The following PCDHA7 variants were observed in gnomAD, a reference collection of about 807,000 sequenced individuals.
The protein encoded by PCDHA7 is protocadherin alpha-7.
Under a neutral mutation model 57.2 loss-of-function variants are expected in PCDHA7, and 37 were observed. The observed-to-expected ratio is 0.65, with a 90% CI of 0.50 to 0.85. PCDHA7 has a LOEUF of 0.85. Among genes scored for constraint, PCDHA7 ranks in the 40% least tolerant of loss-of-function variants. The pLI is 0.00. For synonymous variants in PCDHA7, 553 were observed against 558.8 expected, an observed-to-expected ratio of 0.99 and a Z score of 0.15; for missense variants, 1,188 against 1,241.8, an observed-to-expected ratio of 0.96 and a Z score of 0.65.
At chr5:140,938,415 T>A (rs1034279514) in intron 1 of PCDHA7, among the ~76,000 whole-genome samples, 6 of 152,190 alleles carry the variant, frequency 3.9e-5, no homozygotes, top group African/African-American at 1.4e-4. Context: ...TTGGGTTTAT[T>A]TGCAAAAATC....
chr5:140,948,709 CT>C (rs144736017), intron 1 of PCDHA7, among the ~76,000 whole-genome samples: 2,043 of 151,408 alleles, frequency 0.013, 38 homozygotes, highest in African/African-American at 0.047. Context: ...GTGTTCTATC[CT>C]CTTTTTTATC....
At chr5:140,875,288 A>G in intron 1 of PCDHA7, 2 of 1,392,506 alleles carry the variant, frequency 1.4e-6, no homozygotes, top group East Asian at 2.5e-5. Flanking sequence ...TGAAACAGGA[A>G]AATTTTTTTC....
At chr5:140,871,564 C>A (rs782409405) in intron 1 of PCDHA7, 7 of 1,482,594 alleles carry the variant, frequency 4.7e-6, no homozygotes, top group Non-Finnish European at 6.3e-6. Context: ...TTTTTTTTCA[C>A]GGATTTTTTA....
At chr5:140,901,697 C>T (rs57431111) in intron 1 of PCDHA7, among the ~76,000 whole-genome samples, 1,867 of 152,140 alleles carry the variant, frequency 0.012, 40 homozygotes, top group African/African-American at 0.043. Context: ...TTTTGTAGTT[C>T]TATATACATT....
chr5:140,970,774 A>G (rs1554232727), intron 1 of PCDHA7, among the ~76,000 whole-genome samples: 2 of 152,218 alleles, frequency 1.3e-5, no homozygotes, highest in Admixed American at 1.3e-4. Context: ...TGCTGTACAT[A>G]CATATTGTAT....
At chr5:140,959,826 T>C (rs2095512884) in intron 1 of PCDHA7, among the ~76,000 whole-genome samples, 1 of 152,224 alleles carries the variant, frequency 6.6e-6, no homozygotes, top group Non-Finnish European at 1.5e-5. Flanking sequence ...CACATGATAA[T>C]GTATTATGCC....
chr5:140,987,106 C>T (rs113308102), intron 3 of PCDHA7, among the ~76,000 whole-genome samples: 4,830 of 151,440 alleles, frequency 0.032, 263 homozygotes, highest in African/African-American at 0.11. Context: ...CCCAGCTACT[C>T]GGGAGGCTGA....
Position 140,884,627 on chromosome 5 carries a change from G to C in PCDHA7, c.2355+47889G>C, listed in dbSNP as rs140550923. On this transcript the variant is annotated intron_variant, in intron 1 of 3. Transcript: ENST00000525929. ...TTGTCTGGGTTCTGCAGAGGGAACA[G>C]GCCAGAGGGAGGAGGACTCAGAATG... The C allele has an allele frequency of 4.8e-5, 77 of 1,612,780 alleles. No individual in the cohort carries two copies. In the African/African-American group the frequency reaches 8.8e-4, roughly 18 times the overall value.
In PCDHA7 at chr5:140,848,765, C is replaced by A; in HGVS notation, c.2355+12027C>A. ...GCATTTTGTTTGTGAATTCTCGGAT[C>A]GACCGCGAGGAGCTGTGCGGGCGGA... On this transcript the variant is annotated intron_variant, in intron 1 of 3. Coordinates refer to ENST00000525929, the MANE Select transcript of PCDHA7 (RefSeq NM_018910.3). 3.8e-6 allele frequency: 6 copies of A among 1,593,356 alleles called. 1 individual carries two copies. The highest frequency in any genetic ancestry group is 2.2e-5 in the South Asian group (2 of 90,232).
chr5:140,988,021 T>C (rs2097278466), intron 3 of PCDHA7, among the ~76,000 whole-genome samples: 1 of 152,216 alleles, frequency 6.6e-6, no homozygotes. Context: ...AGCATGATTC[T>C]TAAGTTTTTT....
Position 140,968,579 on chromosome 5 carries a change from A to G in PCDHA7, c.2356-10370A>G, listed in dbSNP as rs1554230883. On this transcript the variant is annotated intron_variant, in intron 1 of 3. Coordinates refer to ENST00000525929, the MANE Select transcript of PCDHA7 (RefSeq NM_018910.3). ...AACTGCCCCTGCTGGCTACCTGGTCACCAAAGTCATAGCTATGGACTCAGA... is the reference window on the plus strand; with the variant it reads ...AACTGCCCCTGCTGGCTACCTGGTCGCCAAAGTCATAGCTATGGACTCAGA... 6 of 1,614,182 alleles carry G rather than the reference A, an allele frequency of 3.7e-6. No homozygotes were observed. The highest frequency in any genetic ancestry group is 5.1e-6 in the Non-Finnish European group (6 of 1,180,042).
chr5:140,906,193 AAGTTGACACTC>A (rs1337204998), intron 1 of PCDHA7, among the ~76,000 whole-genome samples: 4 of 152,140 alleles, frequency 2.6e-5, no homozygotes, highest in African/African-American at 9.7e-5. Context: ...CAATCCAATC[AAGTTGACACTC>A]AGTATTAACC....
Position 140,835,133 on chromosome 5 carries a change from A to G in PCDHA7, c.750A>G (p.Lys250=). The G allele has an allele frequency of 1.5e-6, 2 of 1,375,436 alleles. No homozygotes were observed. The highest frequency in any genetic ancestry group is 2.0e-6 in the Non-Finnish European group (2 of 1,015,138). The allele number at this position is 1,375,436 out of a possible 1,614,324, so 85.2% of individuals were successfully genotyped here. The change falls in exon 1 of 4, where the codon AAA becomes AAG. Residue 250 remains lysine (K), a synonymous_variant. Coordinates refer to ENST00000525929, the MANE Select transcript of PCDHA7 (RefSeq NM_018910.3). ...PVFDRTLYTV[K]LPENVSIGTL... ...TCGACAGAACCCTGTATACGGTGAA[A>G]TTACCAGAAAACGTTTCTATCGGAA...
Position 141,009,646 on chromosome 5 carries a change from G to A in PCDHA7, c.2523G>A (p.Val841=), listed in dbSNP as rs369515881. 16 of 1,613,668 alleles carry A rather than the reference G, an allele frequency of 9.9e-6. No individual in the cohort carries two copies. The highest frequency in any genetic ancestry group is 5.5e-5 in the South Asian group (5 of 91,030). ...TTTCAGAACCAGAGGCAGGAGAAGT[G>A]TCCCCTCCAGTCGGTGCGGGTGTCA... is the stretch of plus-strand genomic sequence containing the variant. ...SATPEPEAGE[V]SPPVGAGVNS... The change falls in exon 4 of 4, where the codon GTG becomes GTA. Residue 841 remains valine, a synonymous_variant. Coordinates refer to ENST00000525929, the MANE Select transcript of PCDHA7 (RefSeq NM_018910.3).
At chr5:140,862,662 C>T in intron 1 of PCDHA7, 1 of 546,862 alleles carries the variant, frequency 1.8e-6, no homozygotes, top group Non-Finnish European at 3.7e-6. Context: ...GGGACCGGGA[C>T]GCGCAGGAGA....
chr5:140,839,259 C>CATGT (rs1776124164), intron 1 of PCDHA7, among the ~76,000 whole-genome samples: 1 of 152,020 alleles, frequency 6.6e-6, no homozygotes, highest in African/African-American at 2.4e-5. Flanking sequence ...TGCTTACATG[C>CATGT]ATGTATATTT....
At chr5:140,848,501 A>G (rs2150411434) in intron 1 of PCDHA7, 1 of 1,586,022 alleles carries the variant, frequency 6.3e-7, no homozygotes, top group African/African-American at 1.4e-5. Flanking sequence ...TTGAAATGTT[A>G]TACTCAAGTC....
chr5:140,903,987 C>A (rs1324981597), intron 1 of PCDHA7, among the ~76,000 whole-genome samples: 1 of 152,146 alleles, frequency 6.6e-6, no homozygotes, highest in Non-Finnish European at 1.5e-5. Flanking sequence ...CACAATGTAA[C>A]AGCTACAAAT....
chr5:140,914,427 T>C (rs2076707638), intron 1 of PCDHA7, among the ~76,000 whole-genome samples: 1 of 152,196 alleles, frequency 6.6e-6, no homozygotes, highest in African/African-American at 2.4e-5. Context: ...TAGCAAGGAA[T>C]ATCTTTTCCC....
Sources: gnomAD v4.1 joint callset for allele counts (sites outside exome capture counted in the v4.1 genomes callset) on GRCh38, gnomAD v4.1.1 for gene constraint, MANE v1.5 for transcripts, NCBI Gene and HGNC (gene_info 2026-07-23, HGNC 2026-07-21) for gene names.